OTUD7A: variants seen among roughly 807,000 people sequenced by gnomAD.
OTUD7A encodes the protein OTU deubiquitinase 7A, also known as OTU domain-containing protein 7A.
In OTUD7A, 12 loss-of-function variants were observed where a neutral mutation model predicts 65.7. That is an observed-to-expected ratio of 0.18 (90% CI 0.12 to 0.30). The LOEUF (loss-of-function observed/expected upper bound fraction) is 0.30, where lower values mean the gene tolerates loss of function less well. OTUD7A is among the 10% of genes least tolerant of loss of function. The pLI is 1.00. For synonymous variants in OTUD7A, 641 were observed against 586.3 expected (o/e 1.09, Z -1.35); for missense variants, 1,148 against 1,304.8 (o/e 0.88, Z 1.85).
chr15:31,765,978 A>T, intron 1 of OTUD7A: 1 of 1,486,630 alleles, frequency 6.7e-7, no homozygotes, highest in Non-Finnish European at 9.4e-7. Context: ...AGAGGTAGAA[A>T]TTTTTTGCTC....
intron 1 of OTUD7A, among the ~76,000 whole-genome samples, chr15:31,717,187 T>C (rs1382417311): frequency 1.3e-5 from 2 of 152,206 alleles, no homozygotes; most frequent in African/African-American, 4.8e-5. Context: ...TTCATGTTTC[T>C]AATCTAGTTT....
intron 1 of OTUD7A, among the ~76,000 whole-genome samples, chr15:31,839,960 TTG>T (rs1555423228): frequency 1.1e-4 from 17 of 151,680 alleles, no homozygotes; most frequent in African/African-American, 4.1e-4. Flanking sequence ...AAACTTTTTT[TTG>T]TTTATGTTAT....
intron 1 of OTUD7A, among the ~76,000 whole-genome samples, chr15:31,813,259 A>G (rs1279427484): frequency 7.2e-6 from 1 of 138,058 alleles, no homozygotes; most frequent in African/African-American, 2.6e-5. Flanking sequence ...ACCTGGGTCC[A>G]TGGATCAGGC....
chr15:31,483,700 C>T lies in OTUD7A; in HGVS notation c.2396G>A (p.Arg799Gln). The T allele has an allele frequency of 1.7e-6, 2 of 1,153,252 alleles. No individual in the cohort carries two copies. The highest frequency in any genetic ancestry group is 2.1e-6 in the Non-Finnish European group (2 of 938,864). The allele number at this position is 1,153,252 out of a possible 1,614,324, so 71.4% of individuals were successfully genotyped here. Residue 799 changes from arginine to glutamine, a missense_variant, in exon 13 of 13, where the codon CGG (arginine) becomes CAG (glutamine). Transcript: ENST00000307050. ...EACAPAVGAL[R>Q]PCATYPQQNR... ...CTGCTGCGGGTACGTGGCGCACGGC[C>T]GCAGCGCCCCCACGGCCGGCGCGCA... is the stretch of plus-strand genomic sequence containing the variant.
intron 3 of OTUD7A, among the ~76,000 whole-genome samples, chr15:31,589,682 C>T (rs978942912): frequency 7.9e-5 from 12 of 151,988 alleles, no homozygotes; most frequent in Admixed American, 4.6e-4. Context: ...AAATGCCTGG[C>T]GGATGTGATT....
In OTUD7A at chr15:31,570,048, A is replaced by G; in HGVS notation, c.301T>C (p.Cys101Arg). ...PQPGHKVERPCLQRQDDIAQE... is the reference protein window; with the variant it reads ...PQPGHKVERPRLQRQDDIAQE... ...GCAATGTCGTCCTGCCTCTGCAGGC[A>G]GGGTCGCTCCACCTTGTGCCCGGGC... Residue 101 changes from cysteine (C) to arginine (R), a missense_variant, in exon 4 of 13, where the codon TGC becomes CGC. By Grantham distance (180) the Cys-to-Arg change is radical. Around this residue, in one of 6 missense-constraint regions of OTUD7A, gnomAD observed 51 missense variants for 46.9 expected, o/e 1.09. Coordinates refer to ENST00000307050, the MANE Select transcript of OTUD7A (RefSeq NM_001382637.1). The G allele has an allele frequency of 1.2e-6, 2 of 1,614,136 alleles. No individual in the cohort carries two copies. Among genetic ancestry groups the G allele is most frequent in the East Asian group, 2.2e-5 (1 of 44,878 alleles).
chr15:31,514,057 CTTT>C (rs375888532), intron 8 of OTUD7A, among the ~76,000 whole-genome samples: 4 of 23,090 alleles, frequency 1.7e-4, no homozygotes, highest in Admixed American at 4.8e-4. Flanking sequence ...TTCTTTCTTT[CTTT>C]TTTTTTTTTT....
At chr15:31,528,630 A>C (rs888303821) in intron 6 of OTUD7A, among the ~76,000 whole-genome samples, 2 of 152,244 alleles carry the variant, frequency 1.3e-5, no homozygotes, top group Admixed American at 6.5e-5. Context: ...GACCTCTTTC[A>C]GCTGCCTTCT....
rs79877687 is a variant in OTUD7A, at chr15:31,797,660, G to A, written c.-100+72847C>T. ...CATGCTTTGTACTCCAAAGGGAGTC[G>A]CCCGCCTTCACTCCCAAACTCTATC... On this transcript the variant is annotated intron_variant, in intron 1 of 12. Transcript: ENST00000307050. Among the ~76,000 whole-genome samples, 231 of 152,286 alleles carry A rather than the reference G, an allele frequency of 1.5e-3. 2 individuals carry two copies. The highest frequency in any genetic ancestry group is 5.3e-3 in the African/African-American group (221 of 41,576).
chr15:31,560,890 A>G (rs1459026876), intron 4 of OTUD7A, among the ~76,000 whole-genome samples: 1 of 152,252 alleles, frequency 6.6e-6, no homozygotes, highest in African/African-American at 2.4e-5. Flanking sequence ...CACCCGGAAC[A>G]GCAGCATTTT....
At chr15:31,631,727 A>G (rs2141250273) in intron 3 of OTUD7A, among the ~76,000 whole-genome samples, 1 of 152,280 alleles carries the variant, frequency 6.6e-6, no homozygotes, top group East Asian at 1.9e-4. Flanking sequence ...CAGGTACACC[A>G]ATCAGACGTA....
chr15:31,655,945 A>T (rs1891978954), intron 2 of OTUD7A, among the ~76,000 whole-genome samples: 1 of 152,156 alleles, frequency 6.6e-6, no homozygotes, highest in Non-Finnish European at 1.5e-5. Context: ...TGCCTTTATC[A>T]GTGTGCCATC....
intron 1 of OTUD7A, among the ~76,000 whole-genome samples, chr15:31,734,198 G>C (rs1242473492): frequency 6.6e-6 from 1 of 151,996 alleles, no homozygotes; most frequent in Admixed American, 6.5e-5. Flanking sequence ...AGCTAACCAG[G>C]GAGGTTAAAA....
At chr15:31,596,879 A>G (rs554180395) in intron 3 of OTUD7A, among the ~76,000 whole-genome samples, 2 of 152,036 alleles carry the variant, frequency 1.3e-5, no homozygotes, top group Non-Finnish European at 2.9e-5. Flanking sequence ...GCTCTATCAG[A>G]TACATGTTTT....
At chr15:31,521,124 T>C (rs1448392126) in intron 8 of OTUD7A, among the ~76,000 whole-genome samples, 4 of 152,176 alleles carry the variant, frequency 2.6e-5, no homozygotes, top group Non-Finnish European at 4.4e-5. Flanking sequence ...CTGGAAGCTA[T>C]GACAGGCCGG....
At chr15:31,867,613 C>T (rs936461654) in intron 1 of OTUD7A, among the ~76,000 whole-genome samples, 1 of 152,180 alleles carries the variant, frequency 6.6e-6, no homozygotes, top group African/African-American at 2.4e-5. Context: ...AGAGGATTTC[C>T]ACGGGGTTGC....
At chr15:31,688,706 C>T (rs1199328134) in intron 1 of OTUD7A, among the ~76,000 whole-genome samples, 1 of 152,144 alleles carries the variant, frequency 6.6e-6, no homozygotes, top group Non-Finnish European at 1.5e-5. Context: ...ATGATGTCAG[C>T]AACTTACTTT....
chr15:31,769,888 G>C (rs1362733084), intron 1 of OTUD7A, among the ~76,000 whole-genome samples: 2 of 152,198 alleles, frequency 1.3e-5, no homozygotes, highest in Non-Finnish European at 2.9e-5. Flanking sequence ...CACTGATTGT[G>C]ATAGTGGTTA....
chr15:31,583,927 TTC>T (rs1447972387), intron 3 of OTUD7A, among the ~76,000 whole-genome samples: 29 of 152,170 alleles, frequency 1.9e-4, no homozygotes, highest in Non-Finnish European at 2.9e-5. Context: ...CTAGAACAGC[TTC>T]TGTCTCCTTA....
Sources: gnomAD v4.1 joint callset for allele counts (sites outside exome capture counted in the v4.1 genomes callset) on GRCh38, gnomAD v4.1.1 for gene constraint, gnomAD v4.1.1 regional missense constraint, MANE v1.5 for transcripts, NCBI Gene and HGNC (gene_info 2026-07-23, HGNC 2026-07-21) for gene names.